SEMA3F: variants seen among roughly 807,000 people sequenced by gnomAD.
SEMA3F encodes the protein semaphorin-3F.
Under a neutral mutation model 98.5 loss-of-function variants are expected in SEMA3F, and 30 were observed. The ratio of observed to expected loss-of-function variants is 0.30; its 90% CI spans 0.23 to 0.41. SEMA3F has a LOEUF of 0.41. Among genes scored for constraint, SEMA3F ranks in the 10% least tolerant of loss-of-function variants. The pLI is 1.00. For missense variants in SEMA3F, 866 were observed against 1,119.3 expected (o/e 0.77, Z 3.23); for synonymous variants, 380 against 444.8 (o/e 0.85, Z 1.83).
chr3:50,160,224 C>T (rs1698152447), intron 2 of SEMA3F, among the ~76,000 whole-genome samples: 1 of 152,100 alleles, frequency 6.6e-6, no homozygotes, highest in African/African-American at 2.4e-5. Flanking sequence ...AGGAGCCTTC[C>T]TATGGTCTCC....
intron 2 of SEMA3F, among the ~76,000 whole-genome samples, chr3:50,161,426 G>A (rs926780460): frequency 9.2e-5 from 14 of 152,228 alleles, no homozygotes; most frequent in East Asian, 1.9e-4. Context: ...CCTTGCCGGC[G>A]CCCACATCGC....
chr3:50,187,422 C>CA (rs901489365), intron 18 of SEMA3F, among the ~76,000 whole-genome samples: 5,501 of 55,000 alleles, frequency 0.1, 627 homozygotes, highest in East Asian at 0.61. Flanking sequence ...GACCTTGTCT[C>CA]AAAAAAAAAA....
intron 2 of SEMA3F, among the ~76,000 whole-genome samples, chr3:50,163,400 GCTCCTGTTCC>G (rs1698286078): frequency 6.6e-6 from 1 of 152,256 alleles, no homozygotes; most frequent in Non-Finnish European, 1.5e-5. Flanking sequence ...AGAGGAAAGG[GCTCCTGTTCC>G]AGAGCAGCCT....
At position 50,158,487 on chromosome 3, in the gene SEMA3F, T is replaced by A. The variant is rs1463683419; in HGVS notation, c.-48-1088T>A. Among the ~76,000 whole-genome samples the A allele has an allele frequency of 6.6e-6, 1 of 152,186 alleles. No homozygotes were observed. The highest frequency in any genetic ancestry group is 2.4e-5 in the African/African-American group (1 of 41,434). On this transcript the variant is annotated intron_variant, in intron 1 of 18. Coordinates refer to ENST00000002829, the MANE Select transcript of SEMA3F (RefSeq NM_004186.5). This position sits in a 1 kb window ranked among gnomAD's most constrained non-coding sequence, Gnocchi z 4.8. ...GTCAGACTGGAGCCTGGGCTTTGCCTCAGCATTGAGCAGCTATGGCAGGGG... is the reference window on the plus strand; with the variant it reads ...GTCAGACTGGAGCCTGGGCTTTGCCACAGCATTGAGCAGCTATGGCAGGGG...
In SEMA3F at chr3:50,188,228, C is replaced by T; in HGVS notation, c.*113C>T. ...TATCTATATTCTATACACACCCTGCCCCTGCAAAGACAGTATTTATTGGTG... is the reference window on the plus strand; with the variant it reads ...TATCTATATTCTATACACACCCTGCTCCTGCAAAGACAGTATTTATTGGTG... On this transcript the variant is annotated 3_prime_UTR_variant, in exon 19 of 19. Coordinates refer to ENST00000002829, the MANE Select transcript of SEMA3F (RefSeq NM_004186.5). This position sits in a 1 kb window ranked among gnomAD's most constrained non-coding sequence, Gnocchi z 4.5. The T allele has an allele frequency of 2.6e-6, 1 of 377,474 alleles. No homozygotes were observed. Among genetic ancestry groups the T allele is most frequent in the South Asian group, 1.2e-4 (1 of 8,074 alleles). 23.4% of individuals were successfully genotyped at this position (377,474 alleles called of 1,614,324 possible). A position where few individuals can be genotyped will look rare whatever the true frequency, so the allele number is the denominator to read the frequency against.
At chr3:50,163,510 T>A (rs1698291683) in intron 2 of SEMA3F, among the ~76,000 whole-genome samples, 1 of 152,100 alleles carries the variant, frequency 6.6e-6, no homozygotes, top group African/African-American at 2.4e-5. Flanking sequence ...GTTGCCAGGT[T>A]TGGAGATGAT....
chr3:50,183,757 A>C (rs1699104719), intron 12 of SEMA3F, 193 bp downstream of exon 12: 1 of 645,250 alleles, frequency 1.5e-6, no homozygotes, highest in Non-Finnish European at 2.6e-6. Flanking sequence ...TTCTGGGACA[A>C]AGATGGTGGG....
rs776412394 is a variant in SEMA3F at position 50,159,697 on chromosome 3, C to T, written c.75C>T (p.His25=). 6.2e-7 allele frequency: 1 copy of T among 1,613,080 alleles called. No homozygotes were observed. Among genetic ancestry groups the T allele is most frequent in the Non-Finnish European group, 8.5e-7 (1 of 1,179,666 alleles). Residue 25 remains histidine (H), a synonymous_variant, in exon 2 of 19, where the codon CAC becomes CAT. Transcript: ENST00000002829. ...GAWPSFPTQD[H]LPATPRVRLS... ...GGCCATCCTTCCCCACCCAGGACCACCTCCCGGCCACGCCCCGGGTCCGGC... is the reference window on the plus strand; with the variant it reads ...GGCCATCCTTCCCCACCCAGGACCATCTCCCGGCCACGCCCCGGGTCCGGC...
intron 2 of SEMA3F, among the ~76,000 whole-genome samples, chr3:50,162,998 A>AG (rs1698267999): frequency 6.6e-6 from 1 of 152,110 alleles, no homozygotes; most frequent in African/African-American, 2.4e-5. Flanking sequence ...GTGAGGAAGG[A>AG]GGCTTACGGG....
rs1378480461 is a variant in SEMA3F at position 50,183,411 on chromosome 3, T to C, written c.1089-9T>C. 6.2e-7 allele frequency: 1 copy of C among 1,613,820 alleles called. No individual in the cohort carries two copies. ...CTGTCCTGCTCAGCAGCGCCTGCCA[T>C]GCCCACAGCTCCGTGTTCCGAGGCT... On this transcript the variant is annotated splice_polypyrimidine_tract_variant and intron_variant, in intron 11 of 18. Coordinates refer to ENST00000002829, the MANE Select transcript of SEMA3F (RefSeq NM_004186.5).
Position 50,155,393 on chromosome 3 carries a change from C to T in SEMA3F, c.-220C>T, listed in dbSNP as rs2526389. On this transcript the variant is annotated 5_prime_UTR_variant, in exon 1 of 19. Transcript: ENST00000002829. The surrounding 1 kb of genome is among the most constrained non-coding windows in gnomAD (Gnocchi z 4.9). ...CTCGGCTGCTGACGCGCCCGAAGCC[C>T]GCGGAACCGGTTAAGCCGCGGCCGC... 0.4 allele frequency: 112,590 copies of T among 281,842 alleles called. 24,377 individuals are homozygous for T. Among genetic ancestry groups the T allele is most frequent in the African/African-American group, 0.52 (23,096 of 44,392 alleles). 17.5% of individuals were successfully genotyped at this position (281,842 alleles called of 1,614,324 possible). A position where few individuals can be genotyped will look rare whatever the true frequency, so the allele number is the denominator to read the frequency against.
intron 7 of SEMA3F, among the ~76,000 whole-genome samples, chr3:50,181,620 C>T (rs1017296729): frequency 8.7e-5 from 13 of 148,854 alleles, no homozygotes; most frequent in African/African-American, 2.5e-4. Flanking sequence ...CCACCATGCC[C>T]GGCCTCTTTT....
intron 7 of SEMA3F, among the ~76,000 whole-genome samples, chr3:50,178,102 C>T (rs540728439): frequency 6.7e-4 from 102 of 151,884 alleles, no homozygotes; most frequent in Admixed American, 1.2e-3. Flanking sequence ...ATTAGCCAGG[C>T]GTGGTGGCAG....
chr3:50,175,803 CTG>C (rs1006519548), intron 6 of SEMA3F, among the ~76,000 whole-genome samples: 11 of 151,968 alleles, frequency 7.2e-5, no homozygotes, highest in African/African-American at 2.4e-4. Flanking sequence ...CGTGTGGATT[CTG>C]TGTGTGTGTG....
chr3:50,163,154 C>T (rs1418259402), intron 2 of SEMA3F, among the ~76,000 whole-genome samples: 2 of 152,204 alleles, frequency 1.3e-5, no homozygotes, highest in Admixed American at 1.3e-4. Flanking sequence ...GAGCTAGGAA[C>T]AAGGAAGATT....
chr3:50,185,687 A>G lies in SEMA3F; in HGVS notation c.1567A>G (p.Met523Val), dbSNP rs540657417. 8.1e-6 allele frequency: 13 copies of G among 1,614,192 alleles called. No individual in the cohort carries two copies. The South Asian group carries it at 1.3e-4, about 16-fold the overall frequency. The change falls in exon 15 of 19, where the codon ATG becomes GTG. Residue 523 changes from methionine (M) to valine (V), a missense_variant. Transcript: ENST00000002829. ...CTAGGATCCAGCACCCGTCAAGACC[A>G]TGACCATCTCTTCTAAGAGGGTAAG... is the stretch of plus-strand genomic sequence containing the variant. ...VFKDPAPVKT[M>V]TISSKRQQLY...
At chr3:50,179,743 C>T (rs1698953761) in intron 7 of SEMA3F, among the ~76,000 whole-genome samples, 1 of 152,240 alleles carries the variant, frequency 6.6e-6, no homozygotes, top group Non-Finnish European at 1.5e-5. Flanking sequence ...TGCTACTTCA[C>T]CTTGCATGTT....
At chr3:50,171,690 T>G (rs1407083029) in intron 2 of SEMA3F, among the ~76,000 whole-genome samples, 2 of 152,164 alleles carry the variant, frequency 1.3e-5, no homozygotes, top group Admixed American at 1.3e-4. Context: ...TTTACTTTCC[T>G]GTTGTCACTG....
chr3:50,174,201 G>A (rs551367830), intron 4 of SEMA3F, 30 bp from the exon 5 acceptor site: 6 of 1,613,682 alleles, frequency 3.7e-6, no homozygotes, highest in South Asian at 3.3e-5. Flanking sequence ...CCTGGCCAGG[G>A]CACCTATGCA....
Sources: allele counts gnomAD v4.1 joint callset (sites outside exome capture counted in the v4.1 genomes callset), GRCh38; gene constraint gnomAD v4.1.1; non-coding constraint Gnocchi (gnomAD v3.1); transcripts MANE v1.5; gene names NCBI Gene and HGNC (gene_info 2026-07-23, HGNC 2026-07-21).